ONECUT3: variants seen among roughly 807,000 people sequenced by gnomAD.
The protein encoded by ONECUT3 is one cut domain family member 3.
A neutral mutation model predicts 16.8 loss-of-function variants in ONECUT3; 11 were observed. The observed-to-expected ratio is 0.66, with a 90% CI of 0.41 to 1.09. ONECUT3 has a LOEUF of 1.09. ONECUT3 is among the 50% of genes least tolerant of loss of function. The probability of loss-of-function intolerance (pLI) is 0.00; values close to 1 mark genes in which losing one functional copy is unlikely to be tolerated. For missense variants in ONECUT3, 637 were observed against 629.9 expected, an observed-to-expected ratio of 1.01 and a Z score of -0.12; for synonymous variants, 344 against 310.7, an observed-to-expected ratio of 1.11 and a Z score of -1.13.
intron 1 of ONECUT3, among the ~76,000 whole-genome samples, chr19:1,763,760 GA>G (rs2067961291): frequency 6.6e-6 from 1 of 150,410 alleles, no homozygotes; most frequent in South Asian, 2.1e-4. Flanking sequence ...ACAGAAAGGG[GA>G]GCTTCAGATG....
chr19:1,754,764 A>C lies in ONECUT3; in HGVS notation c.1102A>C (p.Lys368Gln). ...DLLRNPKPWSKLKSGRETFRR... is the reference protein window; with the variant it reads ...DLLRNPKPWSQLKSGRETFRR... ...GCTGCGCAACCCCAAGCCGTGGAGC[A>C]AGCTCAAATCCGGCCGCGAGACCTT... The change falls in exon 1 of 2, where the codon AAG (lysine) becomes CAG (glutamine). Residue 368 changes from lysine (K) to glutamine (Q), a missense_variant. Physicochemically the swap from Lys to Gln is moderately conservative, Grantham distance 53 (BLOSUM62 1). This residue lies in a region of ONECUT3 where 183 missense variants were observed against 188.3 expected (regional missense o/e 0.97). Transcript: ENST00000382349. The surrounding 1 kb of genome is among the most constrained non-coding windows in gnomAD (Gnocchi z 7.4). 1.9e-6 allele frequency: 3 copies of C among 1,572,544 alleles called. No individual in the cohort carries two copies. The highest frequency in any genetic ancestry group is 2.6e-6 in the Non-Finnish European group (3 of 1,161,674).
chr19:1,755,252 G>T lies in ONECUT3; in HGVS notation c.1192+398G>T, dbSNP rs1178379590. Among the ~76,000 whole-genome samples the T allele has an allele frequency of 6.6e-6, 1 of 151,968 alleles. No homozygotes were observed. Among genetic ancestry groups the T allele is most frequent in the African/African-American group, 2.4e-5 (1 of 41,364 alleles). On this transcript the variant is annotated intron_variant, in intron 1 of 1. Transcript: ENST00000382349. The surrounding 1 kb of genome is among the most constrained non-coding windows in gnomAD (Gnocchi z 7.5). ...GAGCTGTGTCCCCGAACGAGCTGCT[G>T]TTGTCGGCTAAGGTGCCACTCCCCT...
rs2067900250 is a variant in ONECUT3, at chr19:1,753,716, G to A, written c.54G>A (p.Gln18=). ...GCCTGCACAGCGTGGCCCACGCGCAGGCGGGCGAGCTGCTGAGCCCGGGCC... is the reference window on the plus strand; with the variant it reads ...GCCTGCACAGCGTGGCCCACGCGCAAGCGGGCGAGCTGCTGAGCCCGGGCC... ...LGGLHSVAHA[Q]AGELLSPGHA... is the part of the protein sequence containing the mutation. Residue 18 remains glutamine, a synonymous_variant, in exon 1 of 2, where the codon CAG becomes CAA. Coordinates refer to ENST00000382349, the MANE Select transcript of ONECUT3 (RefSeq NM_001080488.2). 9.6e-7 allele frequency: 1 copy of A among 1,042,746 alleles called. No individual in the cohort carries two copies. Among genetic ancestry groups the A allele is most frequent in the Non-Finnish European group, 1.2e-6 (1 of 869,034 alleles). The allele number at this position is 1,042,746 out of a possible 1,614,324, so 64.6% of individuals were successfully genotyped here.
chr19:1,773,867 G>A (rs536950496), intron 1 of ONECUT3, among the ~76,000 whole-genome samples: 1 of 152,184 alleles, frequency 6.6e-6, no homozygotes, highest in Non-Finnish European at 1.5e-5. Context: ...TGAGGGGAGG[G>A]GTTCACTTCG....
In ONECUT3 at chr19:1,753,786, G is replaced by A. The variant is rs1244279285; in HGVS notation, c.124G>A (p.Gly42Arg). ...AAQHRGLVAP[G>R]RPGLVAGMAS... ...GCAGCACCGCGGCCTGGTGGCGCCCGGGCGCCCGGGCCTGGTGGCCGGCAT... is the reference window on the plus strand; with the variant it reads ...GCAGCACCGCGGCCTGGTGGCGCCCAGGCGCCCGGGCCTGGTGGCCGGCAT... The change falls in exon 1 of 2, where the codon GGG becomes AGG. Residue 42 changes from glycine to arginine, a missense_variant. Transcript: ENST00000382349. 2.1e-6 allele frequency: 2 copies of A among 974,032 alleles called. No homozygotes were observed. The highest frequency in any genetic ancestry group is 3.6e-5 in the African/African-American group (2 of 56,122). 60.3% of individuals were successfully genotyped at this position (974,032 alleles called of 1,614,324 possible).
chr19:1,760,656 G>T (rs531874187), intron 1 of ONECUT3, among the ~76,000 whole-genome samples: 1 of 151,860 alleles, frequency 6.6e-6, no homozygotes, highest in South Asian at 2.1e-4. Flanking sequence ...GAGGATGGGC[G>T]GTGGGGGGGG....
intron 1 of ONECUT3, among the ~76,000 whole-genome samples, chr19:1,768,060 TC>T (rs1384078609): frequency 6.6e-6 from 1 of 151,824 alleles, no homozygotes; most frequent in Admixed American, 6.6e-5. Context: ...AGGGCCTCAG[TC>T]CCCAGGGTCC....
chr19:1,758,343 T>TG lies in ONECUT3; in HGVS notation c.1192+3492dup, dbSNP rs2067928939. 7.1e-6 allele frequency among the ~76,000 whole-genome samples: 1 copy of TG among 140,932 alleles called. No individual in the cohort carries two copies. The highest frequency in any genetic ancestry group is 2.2e-4 in the South Asian group (1 of 4,558). 92.5% of individuals were successfully genotyped at this position (140,932 alleles called of 152,430 possible). A position where few individuals can be genotyped will look rare whatever the true frequency, so the allele number is the denominator to read the frequency against. On this transcript the variant is annotated intron_variant, in intron 1 of 1. Coordinates refer to ENST00000382349, the MANE Select transcript of ONECUT3 (RefSeq NM_001080488.2). The surrounding 1 kb of genome is among the most constrained non-coding windows in gnomAD (Gnocchi z 5.9). ...AGAGAGAGAGAGAGAGAGACAGAGA[T>TG]GGGAGAGGAACTCTGGGTGCTGGAG...
rs1235724416 is a variant in ONECUT3, at chr19:1,755,185, G to T, written c.1192+331G>T. ...CAAGCAGCCCTCAGGGAAGCTCATT[G>T]TGTGTGTGCGTGTGTGTGTGTGAGC... is the stretch of plus-strand genomic sequence containing the variant. On this transcript the variant is annotated intron_variant, in intron 1 of 1. Transcript: ENST00000382349. This position sits in a 1 kb window ranked among gnomAD's most constrained non-coding sequence, Gnocchi z 7.5. 6.6e-6 allele frequency among the ~76,000 whole-genome samples: 1 copy of T among 152,054 alleles called. No homozygotes were observed. Among genetic ancestry groups the T allele is most frequent in the East Asian group, 1.9e-4 (1 of 5,186 alleles).
intron 1 of ONECUT3, among the ~76,000 whole-genome samples, chr19:1,773,569 C>T (rs1568602299): frequency 6.6e-6 from 1 of 152,194 alleles, no homozygotes; most frequent in African/African-American, 2.4e-5. Flanking sequence ...CTCTCTGTGC[C>T]ATTCCAGTAG....
In ONECUT3 at chr19:1,779,417, A is replaced by G. The variant is rs2068138203; in HGVS notation, c.*3972A>G. 6.7e-6 allele frequency: 1 copy of G among 150,340 alleles called. No individual in the cohort carries two copies. The highest frequency in any genetic ancestry group is 1.5e-5 in the Non-Finnish European group (1 of 67,504). 9.3% of individuals were successfully genotyped at this position (150,340 alleles called of 1,614,324 possible). ...AGGAAGAGAGAGAGAGAGCGAGCGC[A>G]AGAGAGAGAGAGAGGGAGAGAGAGG... On this transcript the variant is annotated 3_prime_UTR_variant, in exon 2 of 2. Coordinates refer to ENST00000382349, the MANE Select transcript of ONECUT3 (RefSeq NM_001080488.2).
Position 1,775,540 on chromosome 19 carries a change from C to T in ONECUT3, c.*95C>T, listed in dbSNP as rs1324347714. 11 of 1,280,360 alleles carry T rather than the reference C, an allele frequency of 8.6e-6. No homozygotes were observed. The East Asian group carries it at 8.9e-5, about 10-fold the overall frequency. The allele number at this position is 1,280,360 out of a possible 1,614,324, so 79.3% of individuals were successfully genotyped here. A position where few individuals can be genotyped will look rare whatever the true frequency, so the allele number is the denominator to read the frequency against. On this transcript the variant is annotated 3_prime_UTR_variant, in exon 2 of 2. Coordinates refer to ENST00000382349, the MANE Select transcript of ONECUT3 (RefSeq NM_001080488.2). ...TCCTGCCGGCCCGGAGACCCGCCCC[C>T]AGGGGGCACCTGGAGGGGGTGCTAT...
Position 1,775,571 on chromosome 19 carries a change from C to T in ONECUT3, c.*126C>T, listed in dbSNP as rs2068099509. The T allele has an allele frequency of 4.3e-6, 4 of 936,766 alleles. No individual in the cohort carries two copies. The highest frequency in any genetic ancestry group is 1.8e-5 in the African/African-American group (1 of 56,446). 58.0% of individuals were successfully genotyped at this position (936,766 alleles called of 1,614,324 possible). ...GCACCTGGAGGGGGTGCTATCCGGG[C>T]CCCCCACACCCGGGGAGGGGGAAGC... On this transcript the variant is annotated 3_prime_UTR_variant, in exon 2 of 2. Transcript: ENST00000382349.
At chr19:1,756,352 A>C (rs1021342536) in intron 1 of ONECUT3, among the ~76,000 whole-genome samples, 1 of 152,142 alleles carries the variant, frequency 6.6e-6, no homozygotes, top group African/African-American at 2.4e-5. Flanking sequence ...GTGGCAGGGT[A>C]ACCTTGTGCT....
chr19:1,773,821 A>G (rs2068079464), intron 1 of ONECUT3, among the ~76,000 whole-genome samples: 1 of 149,848 alleles, frequency 6.7e-6, no homozygotes, highest in African/African-American at 2.5e-5. Context: ...CTAGTGGGGG[A>G]AGCCTGTGTT....
Position 1,777,971 on chromosome 19 carries a change from G to A in ONECUT3, c.*2526G>A, listed in dbSNP as rs1415131883. ...GATTGCGCCACTACACTCTAGCCTGGGCAACGAGAGCAAAACTCCCTCTCA... is the reference window on the plus strand; with the variant it reads ...GATTGCGCCACTACACTCTAGCCTGAGCAACGAGAGCAAAACTCCCTCTCA... On this transcript the variant is annotated 3_prime_UTR_variant, in exon 2 of 2. Transcript: ENST00000382349. 4 of 127,590 alleles carry A rather than the reference G, an allele frequency of 3.1e-5. No homozygotes were observed. Among genetic ancestry groups the A allele is most frequent in the Admixed American group, 1.6e-4 (2 of 12,196 alleles). The allele number at this position is 127,590 out of a possible 1,614,324, so 7.9% of individuals were successfully genotyped here.
chr19:1,760,339 TG>T (rs905187753), intron 1 of ONECUT3, among the ~76,000 whole-genome samples: 2 of 136,784 alleles, frequency 1.5e-5, no homozygotes, highest in African/African-American at 5.5e-5. Flanking sequence ...CCAGCAGAGA[TG>T]GGGGAGCATT....
chr19:1,760,129 G>T (rs1354428781), intron 1 of ONECUT3, among the ~76,000 whole-genome samples: 1 of 152,238 alleles, frequency 6.6e-6, no homozygotes, highest in Admixed American at 6.5e-5. Context: ...ACCCGATGCG[G>T]TTCCCATGCC....
Position 1,764,664 on chromosome 19 carries a change from G to A in ONECUT3, c.1192+9810G>A, listed in dbSNP as rs1332486622. ...GAAGGTTCCACTGCCTCCCACCCAT[G>A]GGAATCAATTTTCCAGCTCCCCGAG... On this transcript the variant is annotated intron_variant, in intron 1 of 1. Coordinates refer to ENST00000382349, the MANE Select transcript of ONECUT3 (RefSeq NM_001080488.2). The surrounding 1 kb of genome is among the most constrained non-coding windows in gnomAD (Gnocchi z 5.0). 2.0e-5 allele frequency among the ~76,000 whole-genome samples: 3 copies of A among 152,142 alleles called. No individual in the cohort carries two copies. Among genetic ancestry groups the A allele is most frequent in the African/African-American group, 7.2e-5 (3 of 41,438 alleles).
Sources: gnomAD v4.1 joint callset for allele counts (sites outside exome capture counted in the v4.1 genomes callset) on GRCh38, gnomAD v4.1.1 for gene constraint, gnomAD v4.1.1 regional missense constraint, Gnocchi (gnomAD v3.1) non-coding constraint, MANE v1.5 for transcripts, NCBI Gene and HGNC (gene_info 2026-07-23, HGNC 2026-07-21) for gene names.